RSPO2: variants seen among roughly 807,000 people sequenced by gnomAD.
RSPO2 encodes R-spondin-2.
A neutral mutation model predicts 30.9 loss-of-function variants in RSPO2; 14 were observed. The ratio of observed to expected loss-of-function variants is 0.45; its 90% CI spans 0.30 to 0.71. RSPO2 has a LOEUF of 0.71. RSPO2 is among the 30% of genes least tolerant of loss of function. The pLI, the probability that RSPO2 is intolerant of heterozygous loss-of-function variation, is 0.08. For missense variants in RSPO2, 264 were observed against 301.9 expected, an observed-to-expected ratio of 0.87 and a Z score of 0.93; for synonymous variants, 107 against 96.4, an observed-to-expected ratio of 1.11 and a Z score of -0.64.
chr8:108,066,677 G>C (rs968724898), intron 2 of RSPO2, among the ~76,000 whole-genome samples: 2 of 151,970 alleles, frequency 1.3e-5, no homozygotes, highest in Non-Finnish European at 2.9e-5. Context: ...TGGAAGAATT[G>C]TGTTTCATAG....
At chr8:108,066,491 G>A (rs1812671682) in intron 2 of RSPO2, among the ~76,000 whole-genome samples, 1 of 152,122 alleles carries the variant, frequency 6.6e-6, no homozygotes, top group South Asian at 2.1e-4. Context: ...GTTGCAGTAA[G>A]CAGAAACTGT....
At chr8:107,966,053 A>G (rs114724256) in intron 3 of RSPO2, among the ~76,000 whole-genome samples, 5,623 of 152,226 alleles carry the variant, frequency 0.037, 364 homozygotes, top group African/African-American at 0.13. Context: ...GGGTCCAGTG[A>G]GGAGTGGCTT....
intron 5 of RSPO2, among the ~76,000 whole-genome samples, chr8:107,954,751 C>T (rs946519467): frequency 5.3e-5 from 8 of 152,112 alleles, no homozygotes; most frequent in Non-Finnish European, 7.4e-5. Flanking sequence ...GCTGGGACTA[C>T]AGGCACCCAC....
At chr8:108,025,559 C>A (rs1811191696) in intron 2 of RSPO2, among the ~76,000 whole-genome samples, 1 of 152,132 alleles carries the variant, frequency 6.6e-6, no homozygotes, top group South Asian at 2.1e-4. Context: ...ATATCTCATT[C>A]TGTCCCTGTG....
chr8:108,077,099 G>A (rs965514119), intron 2 of RSPO2, among the ~76,000 whole-genome samples: 12 of 152,140 alleles, frequency 7.9e-5, no homozygotes, highest in East Asian at 3.8e-4. Flanking sequence ...ACTCAATTTC[G>A]CTGTGAACCT....
chr8:107,955,407 T>G (rs966710089), intron 5 of RSPO2, among the ~76,000 whole-genome samples: 4 of 152,062 alleles, frequency 2.6e-5, no homozygotes, highest in Non-Finnish European at 5.9e-5. Flanking sequence ...ACCAGGACCC[T>G]GAAGAATGAT....
chr8:108,061,430 G>A (rs1812460343), intron 2 of RSPO2, among the ~76,000 whole-genome samples: 1 of 151,754 alleles, frequency 6.6e-6, no homozygotes, highest in Non-Finnish European at 1.5e-5. Flanking sequence ...GATCAAAAGA[G>A]ACAAAGAAGG....
At chr8:108,010,664 G>A (rs969247378) in intron 2 of RSPO2, among the ~76,000 whole-genome samples, 1 of 152,130 alleles carries the variant, frequency 6.6e-6, no homozygotes, top group African/African-American at 2.4e-5. Flanking sequence ...GGGAGCAGAT[G>A]CAGAAGAGTG....
chr8:107,928,096 G>T (rs1391319557), intron 5 of RSPO2, among the ~76,000 whole-genome samples: 2 of 152,090 alleles, frequency 1.3e-5, no homozygotes, highest in Non-Finnish European at 2.9e-5. Context: ...CCTGGAAAAA[G>T]TATTTTAGAG....
intron 3 of RSPO2, among the ~76,000 whole-genome samples, chr8:107,987,282 T>A (rs1261762028): frequency 6.6e-6 from 1 of 152,210 alleles, no homozygotes; most frequent in Non-Finnish European, 1.5e-5. Flanking sequence ...CTTCCTTTAC[T>A]TTTTGTTCCT....
chr8:108,082,927 C>G, intron 1 of RSPO2, 120 bp from the exon 2 acceptor site: 1 of 393,970 alleles, frequency 2.5e-6, no homozygotes, highest in South Asian at 5.4e-5. Context: ...AACCCACTGC[C>G]TAGCACGAGC....
intron 5 of RSPO2, among the ~76,000 whole-genome samples, chr8:107,905,789 A>G (rs1210904338): frequency 6.9e-6 from 1 of 145,394 alleles, no homozygotes; most frequent in East Asian, 2.0e-4. Flanking sequence ...TTTTTTTCCC[A>G]TATGGGCAAC....
At chr8:107,919,674 T>C (rs1013798794) in intron 5 of RSPO2, among the ~76,000 whole-genome samples, 2 of 152,114 alleles carry the variant, frequency 1.3e-5, no homozygotes, top group Non-Finnish European at 2.9e-5. Flanking sequence ...CAGCACAAGA[T>C]GACAGCTTCA....
chr8:107,939,799 T>TA (rs35119776), intron 5 of RSPO2, among the ~76,000 whole-genome samples: 3 of 152,190 alleles, frequency 2.0e-5, no homozygotes, highest in Non-Finnish European at 4.4e-5. Context: ...TTGGTAATTT[T>TA]AAAAAAATCC....
intron 2 of RSPO2, among the ~76,000 whole-genome samples, chr8:108,062,084 G>C (rs900832781): frequency 2.6e-5 from 4 of 151,786 alleles, no homozygotes; most frequent in Non-Finnish European, 5.9e-5. Flanking sequence ...GAGAAAGCAG[G>C]AAAGATCTAA....
At chr8:107,977,122 C>T (rs557976758) in intron 3 of RSPO2, among the ~76,000 whole-genome samples, 2 of 152,260 alleles carry the variant, frequency 1.3e-5, no homozygotes, top group East Asian at 3.9e-4. Flanking sequence ...ATCAGTACAG[C>T]CCATAAACAG....
At chr8:108,052,894 T>C (rs1186027238) in intron 2 of RSPO2, among the ~76,000 whole-genome samples, 1 of 151,952 alleles carries the variant, frequency 6.6e-6, no homozygotes, top group African/African-American at 2.4e-5. Context: ...TGGGATCATA[T>C]AGTCCAAACT....
At chr8:108,021,337 A>C (rs140881371) in intron 2 of RSPO2, among the ~76,000 whole-genome samples, 49 of 152,248 alleles carry the variant, frequency 3.2e-4, no homozygotes, top group Non-Finnish European at 6.2e-4. Context: ...CCCTTTTGCT[A>C]CCCTGAGCCC....
At chr8:107,961,390 T>A (rs560100275) in intron 3 of RSPO2, among the ~76,000 whole-genome samples, 1 of 152,256 alleles carries the variant, frequency 6.6e-6, no homozygotes, top group East Asian at 1.9e-4. Flanking sequence ...AGGCTTTACA[T>A]ATATTTCCAC....
Sources: gnomAD v4.1 joint callset for allele counts (sites outside exome capture counted in the v4.1 genomes callset) on GRCh38, gnomAD v4.1.1 for gene constraint, MANE v1.5 for transcripts, NCBI Gene and HGNC (gene_info 2026-07-23, HGNC 2026-07-21) for gene names.